Variants in ODAD3 observed in about 807,000 individuals in gnomAD.
The protein encoded by ODAD3 is outer dynein arm docking complex subunit 3, also known as outer dynein arm-docking complex subunit 3.
ODAD3 carries 57 observed loss-of-function variants against 70.9 expected under a neutral mutation model. The observed-to-expected ratio is 0.80, with a 90% CI of 0.65 to 1.00. The LOEUF (loss-of-function observed/expected upper bound fraction) is 1.00, where lower values mean the gene tolerates loss of function less well. Among genes scored for constraint, ODAD3 ranks in the 50% least tolerant of loss-of-function variants. The pLI is 0.00. For missense variants in ODAD3, 797 were observed against 763.9 expected, an observed-to-expected ratio of 1.04 and a Z score of -0.51; for synonymous variants, 327 against 315.9, an observed-to-expected ratio of 1.04 and a Z score of -0.37.
rs949041313 is a variant in ODAD3, at chr19:11,426,698, G to C, written c.699C>G (p.Leu233=). The C allele has an allele frequency of 6.2e-7, 1 of 1,613,924 alleles. No individual in the cohort carries two copies. The highest frequency in any genetic ancestry group is 1.3e-5 in the African/African-American group (1 of 75,034). The change falls in exon 5 of 13, where the codon CTC becomes CTG. Residue 233 remains leucine, a synonymous_variant. Coordinates refer to ENST00000356392, the MANE Select transcript of ODAD3 (RefSeq NM_145045.5). ...AEHITSVYLQ[L]KAYLMDESLN... ...TAGTCCCTACCATTAGATAGGCCTT[G>C]AGCTGCAGGTACACGCTGGTAATGT...
At chr19:11,433,557 G>A (rs548978941) in intron 1 of ODAD3, among the ~76,000 whole-genome samples, 70 of 152,192 alleles carry the variant, frequency 4.6e-4, no homozygotes, top group Non-Finnish European at 8.8e-4. Flanking sequence ...AGAACAATTA[G>A]GTTACTCTTA....
chr19:11,430,346 C>T (rs1020347994), intron 3 of ODAD3, among the ~76,000 whole-genome samples: 1 of 151,944 alleles, frequency 6.6e-6, no homozygotes, highest in African/African-American at 2.4e-5. Context: ...CCATGTTGGT[C>T]AGGTTGGTCT....
intron 3 of ODAD3, among the ~76,000 whole-genome samples, chr19:11,428,007 G>C (rs1969421737): frequency 6.6e-6 from 1 of 151,518 alleles, no homozygotes. Flanking sequence ...GGCTGAGGCA[G>C]AAGAATGGCG....
chr19:11,435,098 G>A lies in ODAD3; in HGVS notation c.-82C>T, dbSNP rs1469849452. ...CCCCTGTCAGGGATCCGTCAGCTCG[G>A]ATTCCTAGGGCTCTGAAAAATGCAC... is the stretch of plus-strand genomic sequence containing the variant. On this transcript the variant is annotated 5_prime_UTR_variant, in exon 1 of 13. Coordinates refer to ENST00000356392, the MANE Select transcript of ODAD3 (RefSeq NM_145045.5). 1 of 1,510,454 alleles carries A rather than the reference G, an allele frequency of 6.6e-7. No homozygotes were observed. Among genetic ancestry groups the A allele is most frequent in the South Asian group, 1.3e-5 (1 of 79,254 alleles). 93.6% of individuals were successfully genotyped at this position (1,510,454 alleles called of 1,614,324 possible).
chr19:11,422,601 T>A lies in ODAD3; in HGVS notation c.1304A>T (p.Gln435Leu). The A allele has an allele frequency of 6.3e-7, 1 of 1,597,572 alleles. No homozygotes were observed. The highest frequency in any genetic ancestry group is 1.1e-5 in the South Asian group (1 of 89,492). ...VSQQKLQAEA[Q>L]ERLKKEERRH... ...CCGCTCCTCCTTCTTGAGACGCTCC[T>A]GCGCCTCGGCTTGCAGTTTCTGCTG... The change falls in exon 10 of 13, where the codon CAG (glutamine) becomes CTG (leucine). Residue 435 changes from glutamine to leucine, a missense_variant. Gln to Leu is a moderately radical substitution (Grantham distance 113, BLOSUM62 -2). Coordinates refer to ENST00000356392, the MANE Select transcript of ODAD3 (RefSeq NM_145045.5). This position sits in a 1 kb window ranked among gnomAD's most constrained non-coding sequence, Gnocchi z 4.6.
chr19:11,433,989 C>T (rs1481376456), intron 1 of ODAD3, among the ~76,000 whole-genome samples: 4 of 151,450 alleles, frequency 2.6e-5, no homozygotes, highest in Middle Eastern at 3.4e-3. Flanking sequence ...GAGCCAAGGC[C>T]GTGGATCACT....
intron 3 of ODAD3, among the ~76,000 whole-genome samples, chr19:11,427,387 T>C (rs1246455692): frequency 6.6e-6 from 1 of 151,620 alleles, no homozygotes; most frequent in Non-Finnish European, 1.5e-5. Flanking sequence ...CTCCTCCTCC[T>C]GGGTTCACGC....
chr19:11,431,039 GGACA>G lies in ODAD3; in HGVS notation c.245-23_245-20del, dbSNP rs1190555242. The G allele has an allele frequency of 6.2e-7, 1 of 1,613,886 alleles. No individual in the cohort carries two copies. On this transcript the variant is annotated intron_variant, in intron 1 of 12. Transcript: ENST00000356392. ...TCACCCTCTGGCAGGCAGGTGAGGT[GGACA>G]GACACACAGTTACTGGGTGGGTGCA...
Position 11,426,207 on chromosome 19 carries a change from G to A in ODAD3, c.900C>T (p.Tyr300=), listed in dbSNP as rs201557459. 11 of 1,613,844 alleles carry A rather than the reference G, an allele frequency of 6.8e-6. No homozygotes were observed. The Middle Eastern group carries it at 8.3e-4, about 121-fold the overall frequency. The change falls in exon 7 of 13, where the codon TAC becomes TAT. Residue 300 remains tyrosine (Y), a synonymous_variant. Transcript: ENST00000356392. The part of the protein sequence containing the change: ...LVRERKKRER[Y]ISECKKRAEE... The stretch of plus-strand genomic sequence containing the variant: ...CGGCGCGCTTCTTGCACTCACTTAT[G>A]TAGCGTTCCCGCTTCTTGCGCTCTC...
rs761992279 is a variant in ODAD3 at position 11,423,876 on chromosome 19, C to T, written c.1116+1G>A. ...CGGAGAGGGCTGCGGGCAGAACTCACGTGCGTCTCGTCAGTGCCAGTGGCG... is the reference window on the plus strand; with the variant it reads ...CGGAGAGGGCTGCGGGCAGAACTCATGTGCGTCTCGTCAGTGCCAGTGGCG... On this transcript the variant is annotated splice_donor_variant, in intron 8 of 12. Transcript: ENST00000356392. LOFTEE classifies it high-confidence loss of function. 1.1e-5 allele frequency: 17 copies of T among 1,607,822 alleles called. No individual in the cohort carries two copies. Among genetic ancestry groups the T allele is most frequent in the Non-Finnish European group, 9.3e-6 (11 of 1,177,452 alleles).
At chr19:11,426,029 G>T in intron 7 of ODAD3, 115 bp downstream of exon 7, 2 of 1,376,132 alleles carry the variant, frequency 1.5e-6, no homozygotes, top group South Asian at 1.4e-5. Context: ...GAGAGGGGGC[G>T]GGGTTAGGAG....
At chr19:11,424,639 GTGTATATATACCTATGTGTATATA>G (rs1969229927) in intron 7 of ODAD3, among the ~76,000 whole-genome samples, 1 of 110,366 alleles carries the variant, frequency 9.1e-6, no homozygotes, top group Non-Finnish European at 1.6e-5. Flanking sequence ...ATGTATATAT[GTGTATATATACCTATGTGTATATA>G]TGTATATATG....
intron 12 of ODAD3, 37 bp downstream of exon 12, chr19:11,421,091 C>T: frequency 6.2e-7 from 1 of 1,608,854 alleles, no homozygotes; most frequent in Non-Finnish European, 8.5e-7. Context: ...AGCTTGGGGC[C>T]CCAACCGCAC....
intron 1 of ODAD3, among the ~76,000 whole-genome samples, chr19:11,431,627 C>A (rs1158702805): frequency 6.6e-6 from 1 of 150,888 alleles, no homozygotes; most frequent in Non-Finnish European, 1.5e-5. Context: ...CCCATCTCTA[C>A]AAAAATACAA....
intron 4 of ODAD3, 44 bp from the exon 5 acceptor site, chr19:11,426,828 C>A: frequency 6.2e-7 from 1 of 1,612,996 alleles, no homozygotes; most frequent in East Asian, 2.2e-5. Context: ...CGCACTCAAT[C>A]CCTCCCACAC....
chr19:11,422,015 GAACTCT>G lies in ODAD3; in HGVS notation c.1435-189_1435-184del, dbSNP rs928809239. Among the ~76,000 whole-genome samples, 6 of 152,184 alleles carry G rather than the reference GAACTCT, an allele frequency of 3.9e-5. No individual in the cohort carries two copies. Among genetic ancestry groups the G allele is most frequent in the Non-Finnish European group, 5.9e-5 (4 of 68,042 alleles). On this transcript the variant is annotated intron_variant, in intron 10 of 12. Transcript: ENST00000356392. The surrounding 1 kb of genome is among the most constrained non-coding windows in gnomAD (Gnocchi z 4.6). Reference sequence around the variant, plus strand: ...CCACGTCTGTGATGGGGGAGCCTCTGAACTCTAACTCTATATGTAAAGGTTTCGGGG... The same window carrying G: ...CCACGTCTGTGATGGGGGAGCCTCTGAACTCTATATGTAAAGGTTTCGGGG...
At position 11,421,201 on chromosome 19, in the gene ODAD3, G is replaced by C. The variant is rs763966178; in HGVS notation, c.1602C>G (p.Ser534Arg). ...CHIANREFLA[S>R]LEGRLPEYNT... Reference sequence around the variant, plus strand: ...TGTATTCGGGCAGCCTTCCCTCTAAGCTGGCGAGGAACTAAGCGGGGATGG... The same window carrying C: ...TGTATTCGGGCAGCCTTCCCTCTAACCTGGCGAGGAACTAAGCGGGGATGG... Residue 534 changes from serine (S) to arginine (R), a missense_variant, in exon 12 of 13, where the codon AGC (serine) becomes AGG (arginine). Ser to Arg is a moderately radical substitution (Grantham distance 110). Transcript: ENST00000356392. The C allele has an allele frequency of 2.5e-6, 4 of 1,613,042 alleles. No individual in the cohort carries two copies. In the South Asian group the frequency reaches 4.4e-5, roughly 18 times the overall value.
intron 10 of ODAD3, 55 bp from the exon 11 acceptor site, chr19:11,421,887 T>C: frequency 6.4e-7 from 1 of 1,552,964 alleles, no homozygotes; most frequent in Admixed American, 1.9e-5. Context: ...CTTGGAAGGC[T>C]CCACCCAGGG....
In ODAD3 at chr19:11,422,952, C is replaced by G; in HGVS notation, c.1117-91G>C. 2 of 1,448,116 alleles carry G rather than the reference C, an allele frequency of 1.4e-6. No individual in the cohort carries two copies. Among genetic ancestry groups the G allele is most frequent in the Non-Finnish European group, 1.9e-6 (2 of 1,077,714 alleles). The allele number at this position is 1,448,116 out of a possible 1,614,324, so 89.7% of individuals were successfully genotyped here. Reference sequence around the variant, plus strand: ...CCCCCACCCTGCGAACCCTCGCACGCAGGACAGGTGGCCTGAGCTGGCGCC... The same window carrying G: ...CCCCCACCCTGCGAACCCTCGCACGGAGGACAGGTGGCCTGAGCTGGCGCC... On this transcript the variant is annotated intron_variant, in intron 8 of 12. Coordinates refer to ENST00000356392, the MANE Select transcript of ODAD3 (RefSeq NM_145045.5). The surrounding 1 kb of genome is among the most constrained non-coding windows in gnomAD (Gnocchi z 4.6).
Sources: allele counts gnomAD v4.1 joint callset (sites outside exome capture counted in the v4.1 genomes callset), GRCh38; gene constraint gnomAD v4.1.1; non-coding constraint Gnocchi (gnomAD v3.1); transcripts MANE v1.5; gene names NCBI Gene and HGNC (gene_info 2026-07-23, HGNC 2026-07-21).